Variants in SUPT3H observed in about 807,000 individuals in gnomAD.
The protein encoded by SUPT3H is SPT3 homolog, SAGA and STAGA complex component, also known as transcription initiation protein SPT3 homolog.
In SUPT3H, 44 loss-of-function variants were observed where a neutral mutation model predicts 44.3. That is an observed-to-expected ratio of 0.99 (90% CI 0.78 to 1.28). The LOEUF (loss-of-function observed/expected upper bound fraction) is 1.28, where lower values mean the gene tolerates loss of function less well. SUPT3H is among the 50% of genes most tolerant of loss of function. The probability of loss-of-function intolerance (pLI) is 0.00; values close to 1 mark genes in which losing one functional copy is unlikely to be tolerated. For synonymous variants in SUPT3H, 124 were observed against 125.6 expected, an observed-to-expected ratio of 0.99 and a Z score of 0.09; for missense variants, 380 against 387.1, an observed-to-expected ratio of 0.98 and a Z score of 0.15.
intron 2 of SUPT3H, among the ~76,000 whole-genome samples, chr6:45,216,108 A>AT (rs1308724266): frequency 2.6e-5 from 4 of 152,178 alleles, no homozygotes; most frequent in Non-Finnish European, 5.9e-5. Context: ...TGAAAGAGAA[A>AT]TATACACATT....
intron 2 of SUPT3H, among the ~76,000 whole-genome samples, chr6:45,324,286 T>G (rs1786001521): frequency 6.6e-6 from 1 of 152,002 alleles, no homozygotes; most frequent in Admixed American, 6.6e-5. Flanking sequence ...ATGTGAACAA[T>G]GTATTAAAGT....
intron 2 of SUPT3H, among the ~76,000 whole-genome samples, chr6:45,137,310 AG>A (rs1246382865): frequency 2.0e-5 from 3 of 152,084 alleles, no homozygotes; most frequent in Admixed American, 1.3e-4. Flanking sequence ...AAATCAATCA[AG>A]CAAAAAGAAA....
chr6:44,933,986 A>G (rs1771005612), intron 9 of SUPT3H, among the ~76,000 whole-genome samples: 1 of 152,186 alleles, frequency 6.6e-6, no homozygotes, highest in South Asian at 2.1e-4. Flanking sequence ...TTGAAATGGA[A>G]GCTCATTTAC....
At chr6:44,910,751 T>C (rs1008393039) in intron 10 of SUPT3H, among the ~76,000 whole-genome samples, 3 of 151,096 alleles carry the variant, frequency 2.0e-5, no homozygotes, top group African/African-American at 7.3e-5. Flanking sequence ...CCCAGCACTT[T>C]ATGAGGCCGA....
intron 7 of SUPT3H, among the ~76,000 whole-genome samples, chr6:44,960,049 C>T (rs1382431325): frequency 2.6e-5 from 4 of 152,102 alleles, no homozygotes; most frequent in Non-Finnish European, 4.4e-5. Flanking sequence ...AGTCCTTCCA[C>T]TCTAAAGAAA....
intron 2 of SUPT3H, among the ~76,000 whole-genome samples, chr6:45,270,566 T>C (rs1021026293): frequency 2.6e-5 from 4 of 152,218 alleles, no homozygotes; most frequent in African/African-American, 9.6e-5. Context: ...TCTGCCATAA[T>C]TGTGAGGGTT....
chr6:44,967,526 T>C (rs901363563), intron 6 of SUPT3H, among the ~76,000 whole-genome samples: 15 of 152,232 alleles, frequency 9.9e-5, no homozygotes, highest in African/African-American at 2.4e-5. Context: ...CTTTGAAAAA[T>C]ACTTTCAGTA....
intron 3 of SUPT3H, among the ~76,000 whole-genome samples, chr6:45,096,956 G>A (rs890528818): frequency 6.6e-6 from 1 of 152,108 alleles, no homozygotes; most frequent in Admixed American, 6.5e-5. Flanking sequence ...ATTTTGAGGA[G>A]CTGAAAGGAC....
At chr6:45,049,632 G>C (rs969383902) in intron 3 of SUPT3H, among the ~76,000 whole-genome samples, 5 of 152,148 alleles carry the variant, frequency 3.3e-5, no homozygotes, top group Admixed American at 1.3e-4. Context: ...GACTGTAAGA[G>C]CAGGGCCTTG....
rs1410874421 is a variant in SUPT3H, at chr6:45,150,801, C to CA, written c.102-44796dup. ...GCAGTGGCACAATCTCGGCTCACTG[C>CA]AACCTCCGCCTGCCATGTTCAAGCA... is the stretch of plus-strand genomic sequence containing the variant. On this transcript the variant is annotated intron_variant, in intron 2 of 10. Transcript: ENST00000371459. Among the ~76,000 whole-genome samples the CA allele has an allele frequency of 2.8e-5, 4 of 143,092 alleles. No individual in the cohort carries two copies. In the East Asian group the frequency reaches 8.5e-4, roughly 30 times the overall value. The allele number at this position is 143,092 out of a possible 152,430, so 93.9% of individuals were successfully genotyped here.
intron 10 of SUPT3H, among the ~76,000 whole-genome samples, chr6:44,864,001 C>T (rs1385419958): frequency 6.6e-6 from 1 of 151,874 alleles, no homozygotes; most frequent in African/African-American, 2.4e-5. Flanking sequence ...GAGTACAATT[C>T]AAGATGAGAT....
At chr6:45,045,242 T>C (rs1789193815) in intron 3 of SUPT3H, among the ~76,000 whole-genome samples, 1 of 152,196 alleles carries the variant, frequency 6.6e-6, no homozygotes, top group African/African-American at 2.4e-5. Context: ...ATCAGTGGTC[T>C]ATGGGGACCA....
At chr6:44,830,918 A>G (rs1426962533) in intron 10 of SUPT3H, among the ~76,000 whole-genome samples, 3 of 140,676 alleles carry the variant, frequency 2.1e-5, no homozygotes, top group Non-Finnish European at 3.0e-5. Flanking sequence ...ATAACCTTTT[A>G]CGATCAAGAT....
chr6:44,960,209 C>T (rs1562140393), intron 7 of SUPT3H, among the ~76,000 whole-genome samples: 1 of 151,666 alleles, frequency 6.6e-6, no homozygotes, highest in South Asian at 2.1e-4. Context: ...GAGTTCAAGA[C>T]CACCCTGGCC....
At chr6:44,839,919 C>T (rs1770662993) in intron 10 of SUPT3H, among the ~76,000 whole-genome samples, 1 of 151,914 alleles carries the variant, frequency 6.6e-6, no homozygotes, top group Non-Finnish European at 1.5e-5. Flanking sequence ...CCAGGATGGT[C>T]TCGATCTCCT....
intron 2 of SUPT3H, chr6:45,321,723 T>C: frequency 9.6e-7 from 1 of 1,038,698 alleles, no homozygotes; most frequent in Non-Finnish European, 1.5e-6. Context: ...TATTTGTATC[T>C]AATACATTCT....
intron 2 of SUPT3H, among the ~76,000 whole-genome samples, chr6:45,358,641 T>A (rs1358164178): frequency 6.6e-6 from 1 of 152,176 alleles, no homozygotes; most frequent in Admixed American, 6.5e-5. Context: ...ATCATCTCAT[T>A]TAATCTTCGT....
chr6:44,984,295 A>G (rs1172775933), intron 6 of SUPT3H, among the ~76,000 whole-genome samples: 1 of 152,136 alleles, frequency 6.6e-6, no homozygotes, highest in African/African-American at 2.4e-5. Context: ...TAACTTGGGA[A>G]CTACTGGTGG....
chr6:45,056,986 T>C (rs964489172), intron 3 of SUPT3H, among the ~76,000 whole-genome samples: 6 of 152,178 alleles, frequency 3.9e-5, no homozygotes, highest in South Asian at 2.1e-4. Context: ...ATGTTGGACT[T>C]AGGAGACAAA....
Sources: allele counts gnomAD v4.1 joint callset (sites outside exome capture counted in the v4.1 genomes callset), GRCh38; gene constraint gnomAD v4.1.1; transcripts MANE v1.5; gene names NCBI Gene and HGNC (gene_info 2026-07-23, HGNC 2026-07-21).